DPYSL2: variants seen among roughly 807,000 people sequenced by gnomAD.
The protein encoded by DPYSL2 is dihydropyrimidinase like 2.
DPYSL2 carries 13 observed loss-of-function variants against 69.9 expected under a neutral mutation model. That is an observed-to-expected ratio of 0.19 (90% confidence interval 0.12 to 0.30). DPYSL2 has a LOEUF of 0.30. Ranked by LOEUF, DPYSL2 falls within the 10% of genes least tolerant of loss-of-function variation. The pLI is 1.00. For synonymous variants in DPYSL2, 326 were observed against 359.1 expected (o/e 0.91, Z 1.04); for missense variants, 587 against 918.9 (o/e 0.64, Z 4.67).
intron 7 of DPYSL2, among the ~76,000 whole-genome samples, chr8:26,629,976 C>T (rs1585559023): frequency 8.8e-6 from 1 of 113,416 alleles, no homozygotes; most frequent in African/African-American, 2.7e-5. Flanking sequence ...CACGTTCACA[C>T]ACATATACAT....
At chr8:26,607,713 C>G (rs1802136916) in intron 3 of DPYSL2, among the ~76,000 whole-genome samples, 1 of 151,682 alleles carries the variant, frequency 6.6e-6, no homozygotes, top group Admixed American at 6.6e-5. Context: ...TTGCTTGAGC[C>G]TGGCAGGTTG....
intron 1 of DPYSL2, chr8:26,578,017 C>G: frequency 1.0e-6 from 1 of 976,418 alleles, no homozygotes; most frequent in Non-Finnish European, 1.3e-6. Flanking sequence ...CTCTCTCTCT[C>G]TTTTTTTTCC....
chr8:26,654,855 A>AATAGT lies in DPYSL2; in HGVS notation c.1943-757_1943-753dup, dbSNP rs1162944099. 6.6e-6 allele frequency among the ~76,000 whole-genome samples: 1 copy of AATAGT among 152,048 alleles called. No homozygotes were observed. The highest frequency in any genetic ancestry group is 2.4e-5 in the African/African-American group (1 of 41,416). ...AGTTTATTTTTATTTTTAGAGATATAATAGTATCTCACTGTGTCACCCAGT... is the reference window on the plus strand; with the variant it reads ...AGTTTATTTTTATTTTTAGAGATATAATAGTATAGTATCTCACTGTGTCACCCAGT... On this transcript the variant is annotated intron_variant, in intron 13 of 13. Coordinates refer to ENST00000521913, the MANE Select transcript of DPYSL2 (RefSeq NM_001197293.3). The surrounding 1 kb of genome is among the most constrained non-coding windows in gnomAD (Gnocchi z 5.0).
At chr8:26,534,385 C>A (rs577277483) in intron 1 of DPYSL2, among the ~76,000 whole-genome samples, 1 of 152,088 alleles carries the variant, frequency 6.6e-6, no homozygotes, top group African/African-American at 2.4e-5. Flanking sequence ...TCTCGAACTC[C>A]TGGGCTCAAA....
rs746848520 is a variant in DPYSL2 at position 26,643,587 on chromosome 8, G to A, written c.1275G>A (p.Leu425=). 4 of 1,614,142 alleles carry A rather than the reference G, an allele frequency of 2.5e-6. No individual in the cohort carries two copies. Among genetic ancestry groups the A allele is most frequent in the Non-Finnish European group, 3.4e-6 (4 of 1,180,028 alleles). ...DPTTPDFLNS[L]LSCGDLQVTG... ...CCACTCCAGACTTTCTCAACTCCTT[G>A]CTGTCCTGGTGAGTCCTGGCGACTT... Residue 425 remains leucine, a synonymous_variant, in exon 9 of 14, where the codon TTG becomes TTA. Transcript: ENST00000521913. This position sits in a 1 kb window ranked among gnomAD's most constrained non-coding sequence, Gnocchi z 6.5.
intron 1 of DPYSL2, among the ~76,000 whole-genome samples, chr8:26,576,683 G>A (rs2129707827): frequency 6.6e-6 from 1 of 152,382 alleles, no homozygotes; most frequent in South Asian, 2.1e-4. Flanking sequence ...TGCCTGGGCA[G>A]TCAGGACACT....
intron 1 of DPYSL2, among the ~76,000 whole-genome samples, chr8:26,521,486 T>C (rs1262397679): frequency 1.3e-5 from 2 of 152,204 alleles, no homozygotes; most frequent in Non-Finnish European, 2.9e-5. Context: ...TTTTTTTTTT[T>C]TTCTTATAAT....
At chr8:26,545,778 AT>A (rs200144624) in intron 1 of DPYSL2, among the ~76,000 whole-genome samples, 1,951 of 152,078 alleles carry the variant, frequency 0.013, 21 homozygotes, top group Middle Eastern at 0.075. Context: ...AAAAAAAAAA[AT>A]AATCTCAGCA....
At position 26,650,975 on chromosome 8, in the gene DPYSL2, TTTA is replaced by T. The variant is rs1389440068; in HGVS notation, c.1597-1281_1597-1279del. Among the ~76,000 whole-genome samples, 1 of 152,210 alleles carries T rather than the reference TTTA, an allele frequency of 6.6e-6. No homozygotes were observed. The highest frequency in any genetic ancestry group is 1.5e-5 in the Non-Finnish European group (1 of 68,032). ...CCATATCCCCCTAGAAGAACTTGGATTTAGTCTAGGCTGGCAGTACCCGCGTGG... is the reference window on the plus strand; with the variant it reads ...CCATATCCCCCTAGAAGAACTTGGATGTCTAGGCTGGCAGTACCCGCGTGG... On this transcript the variant is annotated intron_variant, in intron 11 of 13. Transcript: ENST00000521913. This position sits in a 1 kb window ranked among gnomAD's most constrained non-coding sequence, Gnocchi z 5.3.
At chr8:26,515,977 C>G (rs899557991) in intron 1 of DPYSL2, among the ~76,000 whole-genome samples, 1 of 152,198 alleles carries the variant, frequency 6.6e-6, no homozygotes, top group Non-Finnish European at 1.5e-5. Flanking sequence ...CCTTTGAGAA[C>G]AATTCAGAAT....
chr8:26,649,481 T>C (rs904278114), intron 11 of DPYSL2, among the ~76,000 whole-genome samples: 2 of 152,170 alleles, frequency 1.3e-5, no homozygotes, highest in African/African-American at 4.8e-5. Flanking sequence ...TCCAGACATT[T>C]TCACCCCAAC....
intron 1 of DPYSL2, among the ~76,000 whole-genome samples, chr8:26,535,269 C>A (rs753372003): frequency 1.3e-5 from 2 of 152,158 alleles, no homozygotes; most frequent in Admixed American, 6.5e-5. Context: ...GGGCCCCACC[C>A]TCATGACCTG....
intron 7 of DPYSL2, among the ~76,000 whole-genome samples, chr8:26,631,109 A>ACAGAAAGAAAGGGCC (rs1264715559): frequency 6.6e-6 from 1 of 152,176 alleles, no homozygotes; most frequent in Non-Finnish European, 1.5e-5. Flanking sequence ...GTACACAAAC[A>ACAGAAAGAAAGGGCC]CAGAAAGAAA....
intron 1 of DPYSL2, among the ~76,000 whole-genome samples, chr8:26,522,597 A>G (rs1316794689): frequency 6.6e-6 from 1 of 152,338 alleles, no homozygotes; most frequent in East Asian, 1.9e-4. Context: ...CCTAATAACT[A>G]ATAATGTTGA....
At chr8:26,636,039 C>T (rs867891971) in intron 8 of DPYSL2, among the ~76,000 whole-genome samples, 18 of 152,252 alleles carry the variant, frequency 1.2e-4, no homozygotes, top group Middle Eastern at 6.8e-3. Flanking sequence ...GACTTCCAGA[C>T]GGACCCAGCG....
rs1801662186 is a variant in DPYSL2 at position 26,588,905 on chromosome 8, A to G, written c.628+4922A>G. Among the ~76,000 whole-genome samples the G allele has an allele frequency of 6.6e-6, 1 of 151,832 alleles. No homozygotes were observed. Among genetic ancestry groups the G allele is most frequent in the Non-Finnish European group, 1.5e-5 (1 of 67,978 alleles). On this transcript the variant is annotated intron_variant, in intron 3 of 13. Coordinates refer to ENST00000521913, the MANE Select transcript of DPYSL2 (RefSeq NM_001197293.3). The surrounding 1 kb of genome is among the most constrained non-coding windows in gnomAD (Gnocchi z 5.4). ...CTTGAGTTGCTTTCATCTCTGTGTT[A>G]CCTCTTGCACTCATTCCCTTACCCA...
At position 26,649,724 on chromosome 8, in the gene DPYSL2, A is replaced by C. The variant is rs73567702; in HGVS notation, c.1596+1924A>C. 6.2e-3 allele frequency among the ~76,000 whole-genome samples: 951 copies of C among 152,306 alleles called. 11 individuals carry two copies. The highest frequency in any genetic ancestry group is 0.022 in the African/African-American group (918 of 41,564). On this transcript the variant is annotated intron_variant, in intron 11 of 13. Transcript: ENST00000521913. ...AACTATTATCGACAGCCCTGTTGCTAAGCCTTTGCTTGGATTTTCCAGGCA... is the reference window on the plus strand; with the variant it reads ...AACTATTATCGACAGCCCTGTTGCTCAGCCTTTGCTTGGATTTTCCAGGCA...
At chr8:26,569,932 C>T (rs749395001) in intron 1 of DPYSL2, among the ~76,000 whole-genome samples, 4 of 152,082 alleles carry the variant, frequency 2.6e-5, no homozygotes, top group East Asian at 1.9e-4. Flanking sequence ...CAGTCGGGCG[C>T]GGTGGCTCAC....
Position 26,614,862 on chromosome 8 carries a change from A to G in DPYSL2, c.629-9281A>G, listed in dbSNP as rs1298099282. On this transcript the variant is annotated intron_variant, in intron 3 of 13. Transcript: ENST00000521913. The surrounding 1 kb of genome is among the most constrained non-coding windows in gnomAD (Gnocchi z 4.9). ...AAGGACACGGTTTTCCTATCTGTTT[A>G]TTGAATTGGGTCACTTGCTTTAGTT... is the stretch of plus-strand genomic sequence containing the variant. Among the ~76,000 whole-genome samples, 2 of 152,206 alleles carry G rather than the reference A, an allele frequency of 1.3e-5. No homozygotes were observed. The highest frequency in any genetic ancestry group is 6.5e-5 in the Admixed American group (1 of 15,282).
Sources: allele counts gnomAD v4.1 joint callset (sites outside exome capture counted in the v4.1 genomes callset), GRCh38; gene constraint gnomAD v4.1.1; non-coding constraint Gnocchi (gnomAD v3.1); transcripts MANE v1.5; gene names NCBI Gene and HGNC (gene_info 2026-07-23, HGNC 2026-07-21).